PDE4B: variants seen among roughly 807,000 people sequenced by gnomAD.
PDE4B encodes the protein phosphodiesterase 4B, also known as 3',5'-cyclic-AMP phosphodiesterase 4B.
In PDE4B, 20 loss-of-function variants were observed where a neutral mutation model predicts 82.2. The observed-to-expected ratio is 0.24, with a 90% confidence interval of 0.17 to 0.35. The LOEUF is 0.35. Among genes scored for constraint, PDE4B ranks in the 10% least tolerant of loss-of-function variants. The pLI is 1.00. For missense variants in PDE4B, 655 were observed against 907.2 expected, an observed-to-expected ratio of 0.72 and a Z score of 3.57; for synonymous variants, 320 against 318.9, an observed-to-expected ratio of 1.00 and a Z score of -0.04.
At chr1:65,990,627 A>G (rs1056828603) in intron 3 of PDE4B, among the ~76,000 whole-genome samples, 6 of 152,214 alleles carry the variant, frequency 3.9e-5, no homozygotes, top group African/African-American at 1.4e-4. Flanking sequence ...ATATCTTTAG[A>G]TATTAAAACA....
At chr1:65,934,110 A>G (rs1647988643) in intron 3 of PDE4B, among the ~76,000 whole-genome samples, 1 of 152,150 alleles carries the variant, frequency 6.6e-6, no homozygotes, top group African/African-American at 2.4e-5. Flanking sequence ...AAATACCTAT[A>G]GAAGATACAA....
chr1:66,286,624 C>T (rs1174270829), intron 7 of PDE4B, among the ~76,000 whole-genome samples: 1 of 152,150 alleles, frequency 6.6e-6, no homozygotes, highest in Non-Finnish European at 1.5e-5. Flanking sequence ...TGCTTCCCAT[C>T]ACATTGGTGA....
chr1:66,109,073 C>G (rs529200405), intron 3 of PDE4B, among the ~76,000 whole-genome samples: 1 of 151,888 alleles, frequency 6.6e-6, no homozygotes, highest in Non-Finnish European at 1.5e-5. Context: ...TTGAATATCC[C>G]TTGCTAATCA....
chr1:66,024,596 A>G (rs1291762407), intron 3 of PDE4B, among the ~76,000 whole-genome samples: 2 of 152,210 alleles, frequency 1.3e-5, no homozygotes, highest in Non-Finnish European at 2.9e-5. Flanking sequence ...TACAGGTCAT[A>G]TAATATATGC....
At chr1:66,138,316 C>T (rs562175730) in intron 3 of PDE4B, among the ~76,000 whole-genome samples, 3 of 152,226 alleles carry the variant, frequency 2.0e-5, no homozygotes, top group South Asian at 2.1e-4. Flanking sequence ...ATCAGGAGTT[C>T]GAGATGAGCC....
At chr1:66,035,113 T>C (rs921140954) in intron 3 of PDE4B, among the ~76,000 whole-genome samples, 1 of 152,242 alleles carries the variant, frequency 6.6e-6, no homozygotes, top group Non-Finnish European at 1.5e-5. Context: ...AAATACAGTT[T>C]GGATCATTTC....
intron 1 of PDE4B, among the ~76,000 whole-genome samples, chr1:65,901,326 T>C (rs1324242715): frequency 6.6e-6 from 1 of 152,194 alleles, no homozygotes; most frequent in Non-Finnish European, 1.5e-5. Context: ...ATGAATTAAC[T>C]TTCTGATGTG....
intron 3 of PDE4B, among the ~76,000 whole-genome samples, chr1:65,922,931 T>C (rs1257890202): frequency 2.6e-5 from 4 of 152,156 alleles, no homozygotes; most frequent in Non-Finnish European, 5.9e-5. Context: ...AGTATACCAG[T>C]ACTAACTTAC....
chr1:66,174,950 A>G (rs1167369648), intron 3 of PDE4B, among the ~76,000 whole-genome samples: 1 of 152,142 alleles, frequency 6.6e-6, no homozygotes, highest in Non-Finnish European at 1.5e-5. Flanking sequence ...ATGGCAGGAG[A>G]GAGAGAGGGA....
intron 3 of PDE4B, among the ~76,000 whole-genome samples, chr1:65,953,695 T>C (rs896553200): frequency 2.6e-5 from 4 of 152,100 alleles, no homozygotes; most frequent in Admixed American, 6.6e-5. Context: ...GTTACTACAG[T>C]GATAAGAAAC....
At chr1:66,025,666 A>G (rs1653393334) in intron 3 of PDE4B, among the ~76,000 whole-genome samples, 1 of 152,170 alleles carries the variant, frequency 6.6e-6, no homozygotes, top group Non-Finnish European at 1.5e-5. Flanking sequence ...AATTCTGTGT[A>G]TGGTGTCACC....
intron 3 of PDE4B, among the ~76,000 whole-genome samples, chr1:66,071,190 C>T (rs1250209166): frequency 2.0e-5 from 3 of 152,002 alleles, no homozygotes; most frequent in African/African-American, 4.8e-5. Flanking sequence ...CACTTTTTCT[C>T]CAAACAATTT....
intron 1 of PDE4B, among the ~76,000 whole-genome samples, chr1:65,857,208 T>C (rs1358237168): frequency 6.6e-6 from 1 of 152,194 alleles, no homozygotes; most frequent in African/African-American, 2.4e-5. Context: ...TGTTCTAAAC[T>C]TTAATAATTT....
At chr1:66,195,609 G>T (rs1351808845) in intron 3 of PDE4B, among the ~76,000 whole-genome samples, 1 of 152,134 alleles carries the variant, frequency 6.6e-6, no homozygotes, top group South Asian at 2.1e-4. Flanking sequence ...TATACAAGTA[G>T]GTCCTTGGGA....
chr1:65,892,167 C>T (rs1304544669), intron 1 of PDE4B, among the ~76,000 whole-genome samples: 1 of 151,984 alleles, frequency 6.6e-6, no homozygotes, highest in African/African-American at 2.4e-5. Context: ...ATTTTATAAT[C>T]CTCTAATTTT....
At chr1:65,967,730 G>C (rs574435907) in intron 3 of PDE4B, among the ~76,000 whole-genome samples, 1 of 152,280 alleles carries the variant, frequency 6.6e-6, no homozygotes, top group Non-Finnish European at 1.5e-5. Flanking sequence ...GTACATGGAT[G>C]AAGCTGGAAA....
chr1:66,370,719 G>T (rs58612650), intron 16 of PDE4B, among the ~76,000 whole-genome samples: 5,351 of 152,128 alleles, frequency 0.035, 302 homozygotes, highest in African/African-American at 0.12. Flanking sequence ...GCATTTCTTA[G>T]CAGAAGCAAA....
At chr1:66,107,389 G>A (rs1645386772) in intron 3 of PDE4B, among the ~76,000 whole-genome samples, 2 of 151,772 alleles carry the variant, frequency 1.3e-5, no homozygotes, top group Admixed American at 1.3e-4. Flanking sequence ...TTGGGTTGTT[G>A]ATGTCAACCC....
At chr1:66,163,766 G>A (rs1053334356) in intron 3 of PDE4B, among the ~76,000 whole-genome samples, 11 of 152,202 alleles carry the variant, frequency 7.2e-5, no homozygotes. Context: ...GCCTGTTTAA[G>A]TATTTAACAG....
Sources: gnomAD v4.1 joint callset for allele counts (sites outside exome capture counted in the v4.1 genomes callset) on GRCh38, gnomAD v4.1.1 for gene constraint, MANE v1.5 for transcripts, NCBI Gene and HGNC (gene_info 2026-07-23, HGNC 2026-07-21) for gene names.